The following CGN variants were observed in gnomAD, a reference collection of about 807,000 sequenced individuals.
The protein encoded by CGN is cingulin.
In CGN, 121 loss-of-function variants were observed where a neutral mutation model predicts 157.1. The observed-to-expected ratio is 0.77, with a 90% CI of 0.66 to 0.90. The LOEUF (loss-of-function observed/expected upper bound fraction) is 0.90. Among genes scored for constraint, CGN ranks in the 40% least tolerant of loss-of-function variants. The pLI is 0.00. For synonymous variants in CGN, 535 were observed against 607.5 expected, an observed-to-expected ratio of 0.88 and a Z score of 1.76; for missense variants, 1,424 against 1,520.9, an observed-to-expected ratio of 0.94 and a Z score of 1.06.
intron 1 of CGN, among the ~76,000 whole-genome samples, chr1:151,513,672 A>T (rs188327845): frequency 6.6e-6 from 1 of 152,086 alleles, no homozygotes; most frequent in Non-Finnish European, 1.5e-5. Flanking sequence ...AGAAGTCCAG[A>T]TACCCTGTCA....
rs769896963 is a variant in CGN at position 151,518,581 on chromosome 1, G to A, written c.62G>A (p.Arg21His). 15 of 1,613,920 alleles carry A rather than the reference G, an allele frequency of 9.3e-6. No individual in the cohort carries two copies. The highest frequency in any genetic ancestry group is 8.0e-5 in the African/African-American group (6 of 74,918). Reference sequence around the variant, plus strand: ...CCCGTAGACCATGGAGTCCAGATTCGCTTCATCACAGAGCCAGTGAGTGGT... The same window carrying A: ...CCCGTAGACCATGGAGTCCAGATTCACTTCATCACAGAGCCAGTGAGTGGT... ...RGPVDHGVQI[R>H]FITEPVSGAE... Residue 21 changes from arginine (R) to histidine (H), a missense_variant, in exon 2 of 21, where the codon CGC (arginine) becomes CAC (histidine). Arg to His is a conservative substitution (Grantham distance 29). Transcript: ENST00000271636.
At position 151,530,085 on chromosome 1, in the gene CGN, A is replaced by ACGACTACGGGACAAGCTGCAG; in HGVS notation, c.2286_2306dup (p.Arg764_Leu770dup). On this transcript the variant is annotated inframe_insertion, in exon 12 of 21. Coordinates refer to ENST00000271636, the MANE Select transcript of CGN (RefSeq NM_020770.3). ...TGGATGGTGGGGAAGCGGTGGAGGC[A>ACGACTACGGGACAAGCTGCAG]CGACTACGGGACAAGCTGCAGCGGC... 1.2e-6 allele frequency: 2 copies of ACGACTACGGGACAAGCTGCAG among 1,613,876 alleles called. No individual in the cohort carries two copies. Among genetic ancestry groups the ACGACTACGGGACAAGCTGCAG allele is most frequent in the Non-Finnish European group, 1.7e-6 (2 of 1,179,848 alleles).
At position 151,518,814 on chromosome 1, in the gene CGN, G is replaced by A; in HGVS notation, c.295G>A (p.Glu99Lys). 1 of 1,614,016 alleles carries A rather than the reference G, an allele frequency of 6.2e-7. No homozygotes were observed. Reference protein sequence around the residue: ...GASGALSSDLELPENPYSQVK... With the variant: ...GASGALSSDLKLPENPYSQVK... ...CTCAGGAGCTCTGAGCTCAGATTTGGAACTCCCTGAGAACCCCTACTCTCA... is the reference window on the plus strand; with the variant it reads ...CTCAGGAGCTCTGAGCTCAGATTTGAAACTCCCTGAGAACCCCTACTCTCA... Residue 99 changes from glutamate to lysine, a missense_variant, in exon 2 of 21, where the codon GAA becomes AAA. Glu to Lys is a moderately conservative substitution (Grantham distance 56). This residue lies in a region of CGN where 1,187 missense variants were observed against 1,217.6 expected (regional missense o/e 0.97). Coordinates refer to ENST00000271636, the MANE Select transcript of CGN (RefSeq NM_020770.3).
Position 151,532,388 on chromosome 1 carries a change from T to C in CGN, c.2572-14T>C, listed in dbSNP as rs202091851. 43 of 1,541,332 alleles carry C rather than the reference T, an allele frequency of 2.8e-5. No individual in the cohort carries two copies. The African/African-American group carries it at 4.9e-4, about 17-fold the overall frequency. ...TTATGTACAGTGCTGAAGACCCTTT[T>C]CTCTGTGTTTCAGTTGGAGAAGATC... On this transcript the variant is annotated splice_polypyrimidine_tract_variant and intron_variant, in intron 13 of 20. Transcript: ENST00000271636.
In CGN at chr1:151,529,463, G is replaced by C; in HGVS notation, c.2010G>C (p.Arg670Ser). Residue 670 changes from arginine to serine, a missense_variant, in exon 11 of 21, where the codon AGG (arginine) becomes AGC (serine). Transcript: ENST00000271636. ...RELEKQLAVL[R>S]VEADRGRELE... ...TGGAGAAGCAGCTGGCGGTCCTGAGGGTCGAGGCTGATCGAGGTCGGGAGC... is the reference window on the plus strand; with the variant it reads ...TGGAGAAGCAGCTGGCGGTCCTGAGCGTCGAGGCTGATCGAGGTCGGGAGC... 6.2e-7 allele frequency: 1 copy of C among 1,613,874 alleles called. No individual in the cohort carries two copies. Among genetic ancestry groups the C allele is most frequent in the Non-Finnish European group, 8.5e-7 (1 of 1,179,984 alleles).
chr1:151,519,925 G>A (rs1208430238), intron 2 of CGN, among the ~76,000 whole-genome samples: 1 of 152,152 alleles, frequency 6.6e-6, no homozygotes, highest in African/African-American at 2.4e-5. Context: ...TGTTTGTTGA[G>A]GAAAATCTGG....
At chr1:151,514,805 G>C (rs1240745161) in intron 1 of CGN, among the ~76,000 whole-genome samples, 2 of 152,172 alleles carry the variant, frequency 1.3e-5, no homozygotes, top group Non-Finnish European at 2.9e-5. Context: ...GTTTGTGGGA[G>C]TGGTGGTCAG....
chr1:151,529,521 C>G lies in CGN; in HGVS notation c.2068C>G (p.Leu690Val), dbSNP rs773154479. Residue 690 changes from leucine (L) to valine (V), a missense_variant, in exon 11 of 21, where the codon CTC becomes GTC. Leu to Val is a conservative substitution (Grantham distance 32). Coordinates refer to ENST00000271636, the MANE Select transcript of CGN (RefSeq NM_020770.3). ...EEQNLQLQKTLQQLRQDCEEA... is the reference protein window; with the variant it reads ...EEQNLQLQKTVQQLRQDCEEA... ...ACAGAACCTCCAGCTACAAAAGACC[C>G]TCCAGCAACTGCGACAGGACTGTGA... The G allele has an allele frequency of 6.2e-7, 1 of 1,613,814 alleles. No homozygotes were observed. The highest frequency in any genetic ancestry group is 1.3e-5 in the African/African-American group (1 of 74,860).
intron 13 of CGN, among the ~76,000 whole-genome samples, 186 bp from the exon 14 acceptor site, chr1:151,532,216 T>C (rs1160008031): frequency 6.6e-6 from 1 of 152,218 alleles, no homozygotes; most frequent in Non-Finnish European, 1.5e-5. Flanking sequence ...CAGTAAGTGG[T>C]AGAGCCAGGA....
intron 10 of CGN, among the ~76,000 whole-genome samples, chr1:151,529,112 C>T (rs1348346469): frequency 2.0e-5 from 3 of 152,060 alleles, no homozygotes; most frequent in Non-Finnish European, 4.4e-5. Flanking sequence ...TGAACATTCG[C>T]GTATAAGTTT....
intron 5 of CGN, among the ~76,000 whole-genome samples, chr1:151,521,252 G>T (rs770712176): frequency 1.3e-5 from 2 of 152,168 alleles, no homozygotes; most frequent in African/African-American, 2.4e-5. Flanking sequence ...TTAAAAACAT[G>T]TCTTCTGCCT....
Position 151,518,532 on chromosome 1 carries a change from C to G in CGN, c.13C>G (p.Pro5Ala), listed in dbSNP as rs200466111. Reference protein sequence around the residue: MEQAPNMAEPRGPVD... With the variant: MEQAANMAEPRGPVD... ...ACTCCTCCTATTTATGGAGCAGGCA[C>G]CCAACATGGCTGAGCCCCGGGGCCC... is the stretch of plus-strand genomic sequence containing the variant. Residue 5 changes from proline (P) to alanine (A), a missense_variant, in exon 2 of 21, where the codon CCC (proline) becomes GCC (alanine). This residue lies in a region of CGN where 1,187 missense variants were observed against 1,217.6 expected (regional missense o/e 0.97). Transcript: ENST00000271636. 12 of 1,604,466 alleles carry G rather than the reference C, an allele frequency of 7.5e-6. No individual in the cohort carries two copies. Among genetic ancestry groups the G allele is most frequent in the Non-Finnish European group, 9.4e-6 (11 of 1,172,630 alleles).
chr1:151,514,746 C>T (rs1009428414), intron 1 of CGN, among the ~76,000 whole-genome samples: 2 of 151,986 alleles, frequency 1.3e-5, no homozygotes, highest in Non-Finnish European at 2.9e-5. Flanking sequence ...GAGCGTATAA[C>T]GTGGATCTGA....
chr1:151,520,535 G>A lies in CGN; in HGVS notation c.1044+52G>A, dbSNP rs1664520346. The A allele has an allele frequency of 3.1e-6, 5 of 1,610,300 alleles. No homozygotes were observed. The East Asian group carries it at 1.1e-4, about 36-fold the overall frequency. On this transcript the variant is annotated intron_variant, in intron 4 of 20. Transcript: ENST00000271636. ...AAGGGTCAAGGTTAGAGCTTTGAGG[G>A]CCTCAGGGGATCCAGACTTGGACTC...
In CGN at chr1:151,519,214, C is replaced by T. The variant is rs1664485332; in HGVS notation, c.695C>T (p.Thr232Ile). The change falls in exon 2 of 21, where the codon ACC becomes ATC. Residue 232 changes from threonine (T) to isoleucine (I), a missense_variant. Thr to Ile is a moderately conservative substitution (Grantham distance 89). Coordinates refer to ENST00000271636, the MANE Select transcript of CGN (RefSeq NM_020770.3). ...DTFEERERQS[T>I]NHWTSSTKYD... is the part of the protein sequence containing the mutation. ...TTTGAGGAACGGGAGCGCCAGTCCA[C>T]CAACCACTGGACCTCTAGCACAAAA... 1.9e-6 allele frequency: 3 copies of T among 1,614,010 alleles called. No individual in the cohort carries two copies. The South Asian group carries it at 3.3e-5, about 18-fold the overall frequency.
In CGN at chr1:151,524,806, G is replaced by A. The variant is rs1664634338; in HGVS notation, c.1534G>A (p.Asp512Asn). 6.2e-7 allele frequency: 1 copy of A among 1,612,564 alleles called. No individual in the cohort carries two copies. The highest frequency in any genetic ancestry group is 1.3e-5 in the African/African-American group (1 of 74,848). Residue 512 changes from aspartate (D) to asparagine (N), a missense_variant, in exon 8 of 21, where the codon GAC becomes AAC. Transcript: ENST00000271636. The surrounding 1 kb of genome is among the most constrained non-coding windows in gnomAD (Gnocchi z 4.4). Reference protein sequence around the residue: ...GALKEEVASRDQEVEHVRQQY... With the variant: ...GALKEEVASRNQEVEHVRQQY... ...CCTGAAAGAGGAGGTAGCCTCCCGTGACCAGGAGGTGGAACATGTCCGGCA... is the reference window on the plus strand; with the variant it reads ...CCTGAAAGAGGAGGTAGCCTCCCGTAACCAGGAGGTGGAACATGTCCGGCA...
intron 9 of CGN, 90 bp downstream of exon 9, chr1:151,525,880 T>A: frequency 2.0e-6 from 2 of 978,174 alleles, no homozygotes; most frequent in Non-Finnish European, 2.6e-6. Context: ...TTAATTTTAA[T>A]TTATTTTTTG....
rs1050325605 is a variant in CGN, at chr1:151,524,083, G to A, written c.1269-143G>A. The A allele has an allele frequency of 8.6e-6, 6 of 700,482 alleles. No homozygotes were observed. The Admixed American group carries it at 1.4e-4, about 16-fold the overall frequency. 43.4% of individuals were successfully genotyped at this position (700,482 alleles called of 1,614,324 possible). A position where few individuals can be genotyped will look rare whatever the true frequency, so the allele number is the denominator to read the frequency against. Reference sequence around the variant, plus strand: ...AGATCAGGAGGGCCAGGTTGTAGCGGGGCAGGTTGCAAAAATCAGGGGAGG... The same window carrying A: ...AGATCAGGAGGGCCAGGTTGTAGCGAGGCAGGTTGCAAAAATCAGGGGAGG... On this transcript the variant is annotated intron_variant, in intron 6 of 20. Coordinates refer to ENST00000271636, the MANE Select transcript of CGN (RefSeq NM_020770.3). The surrounding 1 kb of genome is among the most constrained non-coding windows in gnomAD (Gnocchi z 4.4).
At chr1:151,513,551 T>G (rs976908424) in intron 1 of CGN, among the ~76,000 whole-genome samples, 1 of 152,216 alleles carries the variant, frequency 6.6e-6, no homozygotes, top group African/African-American at 2.4e-5. Flanking sequence ...TACCTCAAGT[T>G]CTCCCGTTTT....
Sources: allele counts gnomAD v4.1 joint callset (sites outside exome capture counted in the v4.1 genomes callset), GRCh38; gene constraint gnomAD v4.1.1; regional missense constraint gnomAD v4.1.1; non-coding constraint Gnocchi (gnomAD v3.1); transcripts MANE v1.5; gene names NCBI Gene and HGNC (gene_info 2026-07-23, HGNC 2026-07-21).